The following CFAP20DC variants were observed in gnomAD, a reference collection of about 807,000 sequenced individuals.
CFAP20DC encodes the protein protein CFAP20DC.
A neutral mutation model predicts 101.7 loss-of-function variants in CFAP20DC; 84 were observed. The observed-to-expected ratio is 0.83, with a 90% CI of 0.69 to 0.99. CFAP20DC has a LOEUF of 0.99. Among genes scored for constraint, CFAP20DC ranks in the 50% least tolerant of loss-of-function variants. The pLI is 0.00. For missense variants in CFAP20DC, 1,007 were observed against 970.3 expected (o/e 1.04, Z -0.50); for synonymous variants, 359 against 351.2 (o/e 1.02, Z -0.25).
chr3:58,956,308 G>A (rs374514496), intron 4 of CFAP20DC, among the ~76,000 whole-genome samples: 1 of 151,908 alleles, frequency 6.6e-6, no homozygotes, highest in Non-Finnish European at 1.5e-5. Flanking sequence ...CATTTTCCTG[G>A]AGGGTGAGTC....
At chr3:59,038,000 A>T (rs540276897) in intron 4 of CFAP20DC, among the ~76,000 whole-genome samples, 42 of 152,238 alleles carry the variant, frequency 2.8e-4, no homozygotes, top group Non-Finnish European at 5.6e-4. Flanking sequence ...GCTGGAAACC[A>T]TCACTCTCAG....
intron 5 of CFAP20DC, among the ~76,000 whole-genome samples, chr3:58,937,173 G>A (rs1016132784): frequency 1.3e-5 from 2 of 152,070 alleles, no homozygotes; most frequent in Admixed American, 1.3e-4. Context: ...GTTTCCTTAG[G>A]GCTCTTTTTC....
In CFAP20DC at chr3:58,831,683, C is replaced by T. The variant is rs1559666151; in HGVS notation, c.2175+3G>A. 6.2e-7 allele frequency: 1 copy of T among 1,613,368 alleles called. No homozygotes were observed. Among genetic ancestry groups the T allele is most frequent in the Admixed American group, 1.7e-5 (1 of 59,970 alleles). On this transcript the variant is annotated splice_donor_region_variant and intron_variant, in intron 14 of 16. Transcript: ENST00000482387. ...AGAGGAAGCTGCAAAGCCAGGGACTCACGGGTGGCAGGCAGGAGTTCCAGG... is the reference window on the plus strand; with the variant it reads ...AGAGGAAGCTGCAAAGCCAGGGACTTACGGGTGGCAGGCAGGAGTTCCAGG...
intron 4 of CFAP20DC, among the ~76,000 whole-genome samples, chr3:58,957,371 G>A (rs964949922): frequency 3.3e-5 from 5 of 152,140 alleles, no homozygotes; most frequent in African/African-American, 1.2e-4. Context: ...TCAAGGATGT[G>A]GAGAAATGGT....
At chr3:58,719,053 G>A (rs2067434044) in intron 3 of CFAP20DC, among the ~76,000 whole-genome samples, 1 of 152,184 alleles carries the variant, frequency 6.6e-6, no homozygotes. Flanking sequence ...GACCAGAGTG[G>A]GCAACGTAGG....
chr3:58,814,303 T>C (rs918520767), intron 14 of CFAP20DC, among the ~76,000 whole-genome samples: 5 of 151,868 alleles, frequency 3.3e-5, no homozygotes, highest in South Asian at 2.1e-4. Context: ...ACTCAGCCCC[T>C]CCTTGCTTTA....
intron 13 of CFAP20DC, among the ~76,000 whole-genome samples, chr3:58,842,480 G>A (rs1227131792): frequency 3.9e-5 from 6 of 152,118 alleles, no homozygotes; most frequent in East Asian, 3.9e-4. Context: ...GGCGCACCAC[G>A]AGACTATATC....
intron 15 of CFAP20DC, among the ~76,000 whole-genome samples, chr3:58,796,431 G>A (rs954274342): frequency 1.3e-5 from 2 of 152,214 alleles, no homozygotes; most frequent in African/African-American, 4.8e-5. Flanking sequence ...GGCAGGCAGG[G>A]TTCAAGAGGT....
At chr3:58,803,612 T>C (rs533695841) in intron 15 of CFAP20DC, among the ~76,000 whole-genome samples, 1 of 152,348 alleles carries the variant, frequency 6.6e-6, no homozygotes, top group Non-Finnish European at 1.5e-5. Flanking sequence ...CCTCATAATT[T>C]TATCATCTTC....
chr3:58,895,554 T>C (rs142402279), intron 6 of CFAP20DC, among the ~76,000 whole-genome samples: 2 of 152,344 alleles, frequency 1.3e-5, no homozygotes, highest in East Asian at 3.9e-4. Context: ...GCATTTTGTT[T>C]AAAGCCATTC....
At chr3:58,976,152 A>G (rs2092265059) in intron 4 of CFAP20DC, among the ~76,000 whole-genome samples, 1 of 152,212 alleles carries the variant, frequency 6.6e-6, no homozygotes, top group African/African-American at 2.4e-5. Context: ...ACTGATCTCC[A>G]CTTAAGACCT....
At chr3:58,870,863 C>A (rs1395587320) in intron 7 of CFAP20DC, among the ~76,000 whole-genome samples, 1 of 125,402 alleles carries the variant, frequency 8.0e-6, no homozygotes, top group African/African-American at 3.2e-5. Context: ...AGTCCGCAGT[C>A]CGGCCTGGGC....
At chr3:58,884,283 C>A (rs544822989) in intron 7 of CFAP20DC, among the ~76,000 whole-genome samples, 1 of 152,298 alleles carries the variant, frequency 6.6e-6, no homozygotes, top group African/African-American at 2.4e-5. Flanking sequence ...AATACCATAA[C>A]CATTTCTCTC....
chr3:58,818,313 A>G (rs1395528736), intron 14 of CFAP20DC, among the ~76,000 whole-genome samples: 5 of 148,762 alleles, frequency 3.4e-5, no homozygotes, highest in African/African-American at 7.5e-5. Context: ...ATGTAAATGG[A>G]CTAAATGCTC....
rs142573431 is a variant in CFAP20DC, at chr3:58,801,482, AACTT to A, written c.2237+4909_2237+4912del. Reference sequence around the variant, plus strand: ...AACTTACTTGTTTTAAAATGAGCGAAACTTAATCATTTGAAGAGGAACATTAAAG... The same window carrying A: ...AACTTACTTGTTTTAAAATGAGCGAAAATCATTTGAAGAGGAACATTAAAG... On this transcript the variant is annotated intron_variant, in intron 15 of 16. Transcript: ENST00000482387. 3.5e-3 allele frequency among the ~76,000 whole-genome samples: 528 copies of A among 152,332 alleles called. 5 individuals carry two copies. Among genetic ancestry groups the A allele is most frequent in the African/African-American group, 0.012 (500 of 41,570 alleles).
Position 58,808,028 on chromosome 3 carries a change from G to C in CFAP20DC, c.2176-1572C>G, listed in dbSNP as rs186734962. Among the ~76,000 whole-genome samples, 7 of 152,230 alleles carry C rather than the reference G, an allele frequency of 4.6e-5. No homozygotes were observed. The East Asian group carries it at 1.2e-3, about 25-fold the overall frequency. On this transcript the variant is annotated intron_variant, in intron 14 of 16. Transcript: ENST00000482387. ...AAGTTTAGAGAAAAAAGAATAAAAA[G>C]AAATGAACAAAGCCTCCAAGAAATA...
intron 4 of CFAP20DC, among the ~76,000 whole-genome samples, chr3:58,966,525 T>C (rs185511900): frequency 1.4e-5 from 2 of 145,194 alleles, no homozygotes; most frequent in East Asian, 2.0e-4. Flanking sequence ...TATATAAATA[T>C]ATATATATAT....
At chr3:58,824,222 G>A (rs1448313493) in intron 14 of CFAP20DC, among the ~76,000 whole-genome samples, 1 of 152,132 alleles carries the variant, frequency 6.6e-6, no homozygotes, top group Non-Finnish European at 1.5e-5. Context: ...AGAGAGCTGA[G>A]AAGTTAATGA....
chr3:58,755,568 G>A (rs2068883579), intron 15 of CFAP20DC, among the ~76,000 whole-genome samples: 1 of 152,128 alleles, frequency 6.6e-6, no homozygotes, highest in South Asian at 2.1e-4. Context: ...GTGTAGGTGG[G>A]AGTTGTGTGA....
Sources: allele counts gnomAD v4.1 joint callset (sites outside exome capture counted in the v4.1 genomes callset), GRCh38; gene constraint gnomAD v4.1.1; transcripts MANE v1.5; gene names NCBI Gene and HGNC (gene_info 2026-07-23, HGNC 2026-07-21).